The following EPB41L4A variants were observed in gnomAD, a reference collection of about 807,000 sequenced individuals.
EPB41L4A encodes band 4.1-like protein 4A.
EPB41L4A carries 100 observed loss-of-function variants against 108.6 expected under a neutral mutation model. The observed-to-expected ratio is 0.92, with a 90% CI of 0.78 to 1.09. The LOEUF (loss-of-function observed/expected upper bound fraction) is 1.09, where lower values mean the gene tolerates loss of function less well. EPB41L4A is among the 50% of genes least tolerant of loss of function. EPB41L4A has a pLI of 0.00. For missense variants in EPB41L4A, 1,030 were observed against 842.7 expected (o/e 1.22, Z -2.75); for synonymous variants, 319 against 289.0 (o/e 1.10, Z -1.05).
intron 1 of EPB41L4A, 136 bp downstream of exon 1, chr5:112,418,805 G>T (rs1025779209): frequency 1.7e-6 from 1 of 605,624 alleles, no homozygotes; most frequent in Non-Finnish European, 3.0e-6. Context: ...CTGCGCGCAG[G>T]GGACAGCGGC....
intron 2 of EPB41L4A, among the ~76,000 whole-genome samples, chr5:112,295,158 C>G (rs1209796021): frequency 1.3e-5 from 2 of 152,140 alleles, no homozygotes; most frequent in Non-Finnish European, 2.9e-5. Flanking sequence ...TCAAAAGTAT[C>G]CTGGATTAGT....
chr5:112,167,274 TGATTCAG>T (rs1478841849), intron 22 of EPB41L4A, among the ~76,000 whole-genome samples: 1 of 152,288 alleles, frequency 6.6e-6, no homozygotes, highest in Non-Finnish European at 1.5e-5. Flanking sequence ...GAAACACAAA[TGATTCAG>T]GTCAGTCAGA....
chr5:112,168,827 A>G lies in EPB41L4A; in HGVS notation c.1851-7T>C, dbSNP rs766711566. On this transcript the variant is annotated splice_region_variant and splice_polypyrimidine_tract_variant and intron_variant, in intron 21 of 22. Transcript: ENST00000261486. The stretch of plus-strand genomic sequence containing the variant: ...TACAAGATCTGTTTTTGAACTGCAG[A>G]GAATGAGTTTTAGAATTAGTGACTG... 1.2e-6 allele frequency: 2 copies of G among 1,612,384 alleles called. No individual in the cohort carries two copies. Among genetic ancestry groups the G allele is most frequent in the Non-Finnish European group, 1.7e-6 (2 of 1,178,378 alleles).
At chr5:112,408,124 T>C (rs565923346) in intron 1 of EPB41L4A, among the ~76,000 whole-genome samples, 2 of 152,012 alleles carry the variant, frequency 1.3e-5, no homozygotes, top group Non-Finnish European at 2.9e-5. Flanking sequence ...TTTTAATTGA[T>C]TTTTTTTATA....
At chr5:112,352,730 G>A (rs1211166140) in intron 1 of EPB41L4A, among the ~76,000 whole-genome samples, 1 of 152,168 alleles carries the variant, frequency 6.6e-6, no homozygotes. Context: ...TGTAGTTGTA[G>A]TTGTTAAATC....
At chr5:112,255,862 A>C (rs949725960) in intron 9 of EPB41L4A, among the ~76,000 whole-genome samples, 2 of 152,134 alleles carry the variant, frequency 1.3e-5, no homozygotes, top group African/African-American at 2.4e-5. Context: ...AACATGTTCA[A>C]AACGGGACTC....
At chr5:112,353,801 G>A (rs1758203485) in intron 1 of EPB41L4A, among the ~76,000 whole-genome samples, 1 of 152,162 alleles carries the variant, frequency 6.6e-6, no homozygotes, top group South Asian at 2.1e-4. Context: ...TGGATCTTTT[G>A]TGAGGCATCC....
chr5:112,152,899 T>G (rs927914680), intron 12 of EPB41L4A, among the ~76,000 whole-genome samples: 1 of 152,226 alleles, frequency 6.6e-6, no homozygotes, highest in Admixed American at 6.5e-5. Flanking sequence ...TGTATGAATA[T>G]GGATGCAATA....
At chr5:112,230,508 T>C (rs1748822911) in intron 12 of EPB41L4A, among the ~76,000 whole-genome samples, 1 of 152,248 alleles carries the variant, frequency 6.6e-6, no homozygotes, top group South Asian at 2.1e-4. Flanking sequence ...TTCACATGTT[T>C]GTTGGCCATT....
chr5:112,161,451 A>G (rs747201350), downstream of EPB41L4A: 3 of 510,816 alleles, frequency 5.9e-6, no homozygotes, highest in Admixed American at 3.9e-5. Flanking sequence ...CCAGTCAGCA[A>G]CCTTATGCCA....
chr5:112,267,813 TTCCC>T (rs1481384019), intron 4 of EPB41L4A, among the ~76,000 whole-genome samples: 2 of 152,134 alleles, frequency 1.3e-5, no homozygotes, highest in Non-Finnish European at 2.9e-5. Context: ...CTCAAAAGAC[TTCCC>T]TTTGCCTTTA....
intron 4 of EPB41L4A, among the ~76,000 whole-genome samples, chr5:112,270,320 G>A (rs1752171269): frequency 6.6e-6 from 1 of 152,286 alleles, no homozygotes; most frequent in Admixed American, 6.5e-5. Flanking sequence ...GAACCTAGAG[G>A]AGAGTACCAA....
chr5:112,169,500 A>T (rs780349393), intron 20 of EPB41L4A, among the ~76,000 whole-genome samples: 8 of 152,206 alleles, frequency 5.3e-5, no homozygotes, highest in Non-Finnish European at 7.3e-5. Flanking sequence ...TTAAGAATTC[A>T]GTCTTTACTT....
In EPB41L4A at chr5:112,168,979, T is replaced by C. The variant is rs202038537; in HGVS notation, c.1850+16A>G. The C allele has an allele frequency of 2.6e-5, 42 of 1,588,962 alleles. No homozygotes were observed. The African/African-American group carries it at 4.8e-4, about 18-fold the overall frequency. Reference sequence around the variant, plus strand: ...GAGCCATGATGGTGATGGTGTACTCTGGCCTGCCCACTTACTTCACTTCCG... The same window carrying C: ...GAGCCATGATGGTGATGGTGTACTCCGGCCTGCCCACTTACTTCACTTCCG... On this transcript the variant is annotated intron_variant, in intron 21 of 22. Transcript: ENST00000261486.
chr5:112,280,292 T>C lies in EPB41L4A; in HGVS notation c.236A>G (p.Glu79Gly), dbSNP rs1437582560. 1 of 1,614,108 alleles carries C rather than the reference T, an allele frequency of 6.2e-7. No homozygotes were observed. Among genetic ancestry groups the C allele is most frequent in the Admixed American group, 1.7e-5 (1 of 60,024 alleles). ...CCTACTGTTGATCAGTTCTTTGTGTTCAGCAAGGGTTTTTGCAGGATCCAG... is the reference window on the plus strand; with the variant it reads ...CCTACTGTTGATCAGTTCTTTGTGTCCAGCAAGGGTTTTTGCAGGATCCAG... ...YWLDPAKTLAEHKELINTGPP... is the reference protein window; with the variant it reads ...YWLDPAKTLAGHKELINTGPP... Residue 79 changes from glutamate to glycine, a missense_variant, in exon 3 of 23, where the codon GAA becomes GGA. Glu to Gly is a moderately conservative substitution (Grantham distance 98). Coordinates refer to ENST00000261486, the MANE Select transcript of EPB41L4A (RefSeq NM_022140.5).
intron 12 of EPB41L4A, among the ~76,000 whole-genome samples, chr5:112,220,611 A>G (rs550085876): frequency 6.6e-6 from 1 of 152,292 alleles, no homozygotes; most frequent in South Asian, 2.1e-4. Context: ...ACATCTTAGA[A>G]AGCCTCTGTG....
chr5:112,394,019 G>A (rs1396264974), intron 1 of EPB41L4A, among the ~76,000 whole-genome samples: 2 of 152,054 alleles, frequency 1.3e-5, no homozygotes, highest in Admixed American at 6.6e-5. Context: ...TGCAGAAAAG[G>A]CCTTTGACAA....
At chr5:112,186,059 T>A (rs983901901) in intron 17 of EPB41L4A, among the ~76,000 whole-genome samples, 9 of 152,050 alleles carry the variant, frequency 5.9e-5, no homozygotes, top group Admixed American at 4.6e-4. Context: ...CACACCTGGA[T>A]TGCTGGGCCC....
chr5:112,249,759 G>A (rs1249880599), intron 9 of EPB41L4A: 1 of 152,138 alleles, frequency 6.6e-6, no homozygotes, highest in Non-Finnish European at 1.5e-5. Context: ...TCCCCAAAGA[G>A]CATTTCTTAC....
Sources: gnomAD v4.1 joint callset for allele counts (sites outside exome capture counted in the v4.1 genomes callset) on GRCh38, gnomAD v4.1.1 for gene constraint, MANE v1.5 for transcripts, NCBI Gene and HGNC (gene_info 2026-07-23, HGNC 2026-07-21) for gene names.